Variants in GAA observed in about 807,000 individuals in gnomAD.
The protein encoded by GAA is alpha glucosidase, also known as lysosomal alpha-glucosidase.
A neutral mutation model predicts 103.9 loss-of-function variants in GAA; 88 were observed. The ratio of observed to expected loss-of-function variants is 0.85; its 90% CI spans 0.71 to 1.01. The LOEUF (loss-of-function observed/expected upper bound fraction) is 1.01, where lower values mean the gene tolerates loss of function less well. Among genes scored for constraint, GAA ranks in the 50% least tolerant of loss-of-function variants. GAA has a pLI of 0.00. For synonymous variants in GAA, 572 were observed against 563.1 expected (o/e 1.02, Z -0.22); for missense variants, 1,350 against 1,305.3 (o/e 1.03, Z -0.53).
At position 80,117,089 on chromosome 17, in the gene GAA, A is replaced by G; in HGVS notation, c.2311A>G (p.Thr771Ala). ...AEVTGYFPLG[T>A]WYDLQTVPVE... ...AGTGACTGGCTACTTCCCCTTGGGC[A>G]CATGGTACGACCTGCAGACGGTGAG... The change falls in exon 16 of 20, where the codon ACA (threonine) becomes GCA (alanine). Residue 771 changes from threonine (T) to alanine (A), a missense_variant. Transcript: ENST00000302262. 3 of 1,613,092 alleles carry G rather than the reference A, an allele frequency of 1.9e-6. No homozygotes were observed. Among genetic ancestry groups the G allele is most frequent in the Non-Finnish European group, 1.7e-6 (2 of 1,180,022 alleles).
chr17:80,111,911 T>TGG, intron 11 of GAA, 72 bp from the exon 12 acceptor site: 4 of 1,297,890 alleles, frequency 3.1e-6, no homozygotes, highest in Non-Finnish European at 4.4e-6. Context: ...TCCTGGGAGG[T>TGG]GGGGGGCAGG....
At chr17:80,112,419 C>A in intron 12 of GAA, 159 bp from the exon 13 acceptor site, 2 of 925,396 alleles carry the variant, frequency 2.2e-6, no homozygotes, top group South Asian at 1.6e-5. Context: ...CAGACAGAGG[C>A]AACTGTGCCC....
intron 5 of GAA, 102 bp downstream of exon 5, chr17:80,107,998 C>T (rs990952850): frequency 1.7e-6 from 2 of 1,197,938 alleles, no homozygotes; most frequent in Non-Finnish European, 2.4e-6. Flanking sequence ...GGTGCTGGGC[C>T]TTGTGTTTTC....
Position 80,117,070 on chromosome 17 carries a change from T to C in GAA, c.2292T>C (p.Thr764=), listed in dbSNP as rs1304045208. 1 of 1,613,418 alleles carries C rather than the reference T, an allele frequency of 6.2e-7. No individual in the cohort carries two copies. The highest frequency in any genetic ancestry group is 2.2e-5 in the East Asian group (1 of 44,880). ...TCCAGGCCGGGAAGGCCGAAGTGACTGGCTACTTCCCCTTGGGCACATGGT... is the reference window on the plus strand; with the variant it reads ...TCCAGGCCGGGAAGGCCGAAGTGACCGGCTACTTCCCCTTGGGCACATGGT... ...PVLQAGKAEV[T]GYFPLGTWYD... The change falls in exon 16 of 20, where the codon ACT becomes ACC. Residue 764 remains threonine, a synonymous_variant. Transcript: ENST00000302262.
At position 80,113,039 on chromosome 17, in the gene GAA, G is replaced by T. The variant is rs1215758711; in HGVS notation, c.2040+12G>T. Reference sequence around the variant, plus strand: ...GCCTGCTCAGTCTGGTAGGGTGGGGGTGGCGGCATGGCAGGTGGGCGATCC... The same window carrying T: ...GCCTGCTCAGTCTGGTAGGGTGGGGTTGGCGGCATGGCAGGTGGGCGATCC... On this transcript the variant is annotated intron_variant, in intron 14 of 19. Coordinates refer to ENST00000302262, the MANE Select transcript of GAA (RefSeq NM_000152.5). 5 of 1,605,286 alleles carry T rather than the reference G, an allele frequency of 3.1e-6. No homozygotes were observed. The South Asian group carries it at 4.4e-5, about 14-fold the overall frequency.
At position 80,108,845 on chromosome 17, in the gene GAA, T is replaced by C; in HGVS notation, c.1326+17T>C. The C allele has an allele frequency of 1.3e-6, 2 of 1,573,860 alleles. No homozygotes were observed. The highest frequency in any genetic ancestry group is 2.3e-5 in the South Asian group (2 of 86,824). ...ATGATCGTGGTGTGTGCCCCCACAC[T>C]GTGGGTCTTTGGGAAGGGGGCCGCC... On this transcript the variant is annotated intron_variant, in intron 8 of 19. Transcript: ENST00000302262.
In GAA at chr17:80,104,629, G is replaced by A. The variant is rs772157487; in HGVS notation, c.43G>A (p.Val15Ile). Reference sequence around the variant, plus strand: ...GCCCTGCTCCCACCGGCTCCTGGCCGTCTGCGCCCTCGTGTCCTTGGCAAC... The same window carrying A: ...GCCCTGCTCCCACCGGCTCCTGGCCATCTGCGCCCTCGTGTCCTTGGCAAC... ...HPPCSHRLLA[V>I]CALVSLATAA... is the part of the protein sequence containing the mutation. The change falls in exon 2 of 20, where the codon GTC (valine) becomes ATC (isoleucine). Residue 15 changes from valine (V) to isoleucine (I), a missense_variant. Transcript: ENST00000302262. This position sits in a 1 kb window ranked among gnomAD's most constrained non-coding sequence, Gnocchi z 4.0. The A allele has an allele frequency of 3.2e-5, 51 of 1,612,836 alleles. No individual in the cohort carries two copies. Among genetic ancestry groups the A allele is most frequent in the Admixed American group, 1.2e-4 (7 of 59,996 alleles).
chr17:80,116,249 G>C (rs547384711), intron 15 of GAA, among the ~76,000 whole-genome samples: 2 of 152,338 alleles, frequency 1.3e-5, no homozygotes, highest in Admixed American at 1.3e-4. Flanking sequence ...CAGTAGGGTG[G>C]AATATAAATT....
chr17:80,105,660 C>T, intron 2 of GAA, 89 bp from the exon 3 acceptor site: 1 of 1,498,314 alleles, frequency 6.7e-7, no homozygotes. Context: ...TGTGGCTGCA[C>T]CAGGACCTGA....
chr17:80,113,129 C>A, intron 14 of GAA, 89 bp from the exon 15 acceptor site: 1 of 1,532,598 alleles, frequency 6.5e-7, no homozygotes, highest in Non-Finnish European at 8.8e-7. Flanking sequence ...TGCTGGGTGG[C>A]TGAGAAGTGC....
In GAA at chr17:80,118,371, C is replaced by G; in HGVS notation, c.2646+14C>G. On this transcript the variant is annotated intron_variant, in intron 18 of 19. Coordinates refer to ENST00000302262, the MANE Select transcript of GAA (RefSeq NM_000152.5). Reference sequence around the variant, plus strand: ...CTGGCCAGGAATGTGAGTCCTGGGGCTGCTCAGGCTGGTGGGCAGGGGCCG... The same window carrying G: ...CTGGCCAGGAATGTGAGTCCTGGGGGTGCTCAGGCTGGTGGGCAGGGGCCG... 6.4e-7 allele frequency: 1 copy of G among 1,558,084 alleles called. No individual in the cohort carries two copies. The highest frequency in any genetic ancestry group is 8.7e-7 in the Non-Finnish European group (1 of 1,150,980).
chr17:80,109,879 G>A (rs41292406), intron 8 of GAA, 66 bp from the exon 9 acceptor site: 2 of 1,197,444 alleles, frequency 1.7e-6, no homozygotes, highest in Non-Finnish European at 1.2e-6. Flanking sequence ...CACTGTCTCA[G>A]TTTTCCCCGT....
rs1344916060 is a variant in GAA at position 80,110,663 on chromosome 17, G to A, written c.1438-64G>A. The stretch of plus-strand genomic sequence containing the variant: ...GCCCCTCTGCTCAGGCTGAGGCTCA[G>A]TGGGGCTTCCATGCAGGCCCTGGGT... On this transcript the variant is annotated intron_variant, in intron 9 of 19. Coordinates refer to ENST00000302262, the MANE Select transcript of GAA (RefSeq NM_000152.5). 16 of 1,426,254 alleles carry A rather than the reference G, an allele frequency of 1.1e-5. 1 individual carries two copies. The highest frequency in any genetic ancestry group is 8.4e-5 in the African/African-American group (6 of 71,076). 88.3% of individuals were successfully genotyped at this position (1,426,254 alleles called of 1,614,324 possible). A position where few individuals can be genotyped will look rare whatever the true frequency, so the allele number is the denominator to read the frequency against.
At chr17:80,118,066 G>T in intron 17 of GAA, 127 bp from the exon 18 acceptor site, 1 of 1,110,002 alleles carries the variant, frequency 9.0e-7, no homozygotes, top group Admixed American at 2.3e-5. Context: ...CCCTGCGGCC[G>T]CAGGTGTTCC....
At chr17:80,105,929 G>C (rs1375982853) in intron 3 of GAA, 35 bp downstream of exon 3, 1 of 1,564,784 alleles carries the variant, frequency 6.4e-7, no homozygotes, top group Non-Finnish European at 8.6e-7. Flanking sequence ...ATGATGGGGA[G>C]GGCGACGCGC....
At chr17:80,116,842 G>A in intron 15 of GAA, 126 bp from the exon 16 acceptor site, 2 of 1,073,518 alleles carry the variant, frequency 1.9e-6, no homozygotes, top group Non-Finnish European at 2.8e-6. Context: ...AGTCCTCCAA[G>A]TCCTCCGGCA....
At position 80,108,304 on chromosome 17, in the gene GAA, C is replaced by T; in HGVS notation, c.970C>T (p.Pro324Ser). 1.2e-6 allele frequency: 2 copies of T among 1,613,642 alleles called. No individual in the cohort carries two copies. Among genetic ancestry groups the T allele is most frequent in the Non-Finnish European group, 1.7e-6 (2 of 1,180,022 alleles). Residue 324 changes from proline (P) to serine (S), a missense_variant, in exon 6 of 20, where the codon CCG becomes TCG. Transcript: ENST00000302262. ...TTCCCTTCCAGATGTGGTCCTGCAG[C>T]CGAGCCCTGCCCTTAGCTGGAGGTC... is the stretch of plus-strand genomic sequence containing the variant. ...NSNAMDVVLQ[P>S]SPALSWRSTG...
intron 5 of GAA, 85 bp from the exon 6 acceptor site, chr17:80,108,205 C>T (rs1397652039): frequency 6.2e-7 from 1 of 1,608,378 alleles, no homozygotes; most frequent in Non-Finnish European, 8.5e-7. Context: ...CCTCAACTCT[C>T]CGCCTGTGAT....
rs143347747 is a variant in GAA at position 80,117,663 on chromosome 17, C to T, written c.2395C>T (p.His799Tyr). The change falls in exon 17 of 20, where the codon CAC becomes TAC. Residue 799 changes from histidine to tyrosine, a missense_variant. Coordinates refer to ENST00000302262, the MANE Select transcript of GAA (RefSeq NM_000152.5). The stretch of plus-strand genomic sequence containing the variant: ...TGCAGCTCCCCGTGAGCCAGCCATC[C>T]ACAGCGAGGGGCAGTGGGTGACGCT... Reference protein sequence around the residue: ...PPAAPREPAIHSEGQWVTLPA... With the variant: ...PPAAPREPAIYSEGQWVTLPA... The T allele has an allele frequency of 2.6e-5, 42 of 1,612,906 alleles. No individual in the cohort carries two copies. In the Admixed American group the frequency reaches 3.2e-4, roughly 12 times the overall value.
Sources: allele counts gnomAD v4.1 joint callset (sites outside exome capture counted in the v4.1 genomes callset), GRCh38; gene constraint gnomAD v4.1.1; non-coding constraint Gnocchi (gnomAD v3.1); transcripts MANE v1.5; gene names NCBI Gene and HGNC (gene_info 2026-07-23, HGNC 2026-07-21).